FAM117B: variants seen among roughly 807,000 people sequenced by gnomAD.
FAM117B encodes protein FAM117B.
FAM117B carries 22 observed loss-of-function variants against 52.8 expected under a neutral mutation model. The ratio of observed to expected loss-of-function variants is 0.42; its 90% confidence interval spans 0.30 to 0.59. FAM117B has a LOEUF of 0.59. Ranked by LOEUF, FAM117B falls within the 20% of genes least tolerant of loss-of-function variation. The probability of loss-of-function intolerance (pLI) is 0.22; values close to 1 mark genes in which losing one functional copy is unlikely to be tolerated. For synonymous variants in FAM117B, 309 were observed against 324.1 expected (o/e 0.95, Z 0.50); for missense variants, 678 against 802.6 (o/e 0.84, Z 1.88).
chr2:202,720,682 A>G (rs1691138978), intron 2 of FAM117B, among the ~76,000 whole-genome samples: 2 of 151,356 alleles, frequency 1.3e-5, no homozygotes, highest in African/African-American at 2.4e-5. Flanking sequence ...ACATTCATAC[A>G]TTGCACTTGG....
chr2:202,635,354 G>C lies in FAM117B; in HGVS notation c.167G>C (p.Arg56Pro). The change falls in exon 1 of 8, where the codon CGG (arginine) becomes CCG (proline). Residue 56 changes from arginine to proline, a missense_variant. Physicochemically the swap from Arg to Pro is moderately radical, Grantham distance 103 (BLOSUM62 -2). Transcript: ENST00000392238. ...QQQQQHGSPT[R>P]SGGGGGGNNN... Reference sequence around the variant, plus strand: ...CAGCAGCAACATGGCAGCCCCACGCGGAGCGGCGGCGGCGGCGGCGGCAAC... The same window carrying C: ...CAGCAGCAACATGGCAGCCCCACGCCGAGCGGCGGCGGCGGCGGCGGCAAC... 7.2e-7 allele frequency: 1 copy of C among 1,381,172 alleles called. No homozygotes were observed. Among genetic ancestry groups the C allele is most frequent in the Non-Finnish European group, 9.4e-7 (1 of 1,067,960 alleles). 85.6% of individuals were successfully genotyped at this position (1,381,172 alleles called of 1,614,324 possible). A position where few individuals can be genotyped will look rare whatever the true frequency, so the allele number is the denominator to read the frequency against.
chr2:202,696,125 A>G (rs559705824), intron 2 of FAM117B, 93 bp downstream of exon 2: 3 of 1,309,608 alleles, frequency 2.3e-6, no homozygotes, highest in Middle Eastern at 2.2e-4. Context: ...ACAAACATTT[A>G]GTGTATATTA....
rs138266736 is a variant in FAM117B, at chr2:202,752,315, A to C, written c.961-3223A>C. ...CCAACACTAACTGAGCAGTGGAGAC[A>C]TCCTCTCTCAGCACTTCTGCGTGGA... On this transcript the variant is annotated intron_variant, in intron 4 of 7. Coordinates refer to ENST00000392238, the MANE Select transcript of FAM117B (RefSeq NM_173511.4). Among the ~76,000 whole-genome samples, 6 of 152,152 alleles carry C rather than the reference A, an allele frequency of 3.9e-5. No individual in the cohort carries two copies. In the East Asian group the frequency reaches 1.2e-3, roughly 29 times the overall value.
chr2:202,731,494 G>A (rs1374801276), intron 4 of FAM117B, among the ~76,000 whole-genome samples: 5 of 150,950 alleles, frequency 3.3e-5, no homozygotes, highest in African/African-American at 7.3e-5. Flanking sequence ...GCAGTGGCGC[G>A]ACCTTGGATC....
chr2:202,741,553 T>TCA (rs1470767111), intron 4 of FAM117B, among the ~76,000 whole-genome samples: 3,198 of 151,468 alleles, frequency 0.021, 140 homozygotes, highest in African/African-American at 0.074. Context: ...TTTTTTTTTT[T>TCA]TGAGACGGAG....
chr2:202,752,420 T>TC (rs1374719632), intron 4 of FAM117B, among the ~76,000 whole-genome samples: 1 of 151,072 alleles, frequency 6.6e-6, no homozygotes, highest in Non-Finnish European at 1.5e-5. Context: ...CTTTTTCTTT[T>TC]TTTTTTTTTT....
chr2:202,690,814 C>T (rs1559103031), intron 1 of FAM117B, among the ~76,000 whole-genome samples: 1 of 152,100 alleles, frequency 6.6e-6, no homozygotes, highest in African/African-American at 2.4e-5. Context: ...AGCCTTAGTT[C>T]ACTTAGTCTG....
rs188231800 is a variant in FAM117B at position 202,696,929 on chromosome 2, C to T, written c.753+897C>T. Among the ~76,000 whole-genome samples the T allele has an allele frequency of 2.0e-5, 3 of 152,216 alleles. No homozygotes were observed. In the East Asian group the frequency reaches 5.8e-4, roughly 29 times the overall value. On this transcript the variant is annotated intron_variant, in intron 2 of 7. Transcript: ENST00000392238. ...CAAAAAAATACAAAAATTAGCCGGG[C>T]ATGCTGGTGCACACTTGTAGTACCA...
chr2:202,662,000 C>G (rs568748674), intron 1 of FAM117B, among the ~76,000 whole-genome samples: 1 of 151,470 alleles, frequency 6.6e-6, no homozygotes, highest in South Asian at 2.1e-4. Context: ...ATCAGTATGT[C>G]GAAGAGATAC....
chr2:202,676,296 G>C (rs1690378549), intron 1 of FAM117B, among the ~76,000 whole-genome samples: 1 of 151,966 alleles, frequency 6.6e-6, no homozygotes. Flanking sequence ...CTCTGTGGTA[G>C]ACCCTGAGCC....
intron 1 of FAM117B, among the ~76,000 whole-genome samples, chr2:202,638,443 A>G (rs1020403852): frequency 6.6e-6 from 1 of 152,150 alleles, no homozygotes. Context: ...TCTGATCTCT[A>G]GGAGGGCTCT....
intron 1 of FAM117B, among the ~76,000 whole-genome samples, chr2:202,644,540 C>G (rs1191528678): frequency 6.6e-6 from 1 of 152,200 alleles, no homozygotes; most frequent in African/African-American, 2.4e-5. Flanking sequence ...CCTGGGAATT[C>G]TCTTCACTTC....
At chr2:202,680,679 C>A (rs1353045281) in intron 1 of FAM117B, among the ~76,000 whole-genome samples, 2 of 152,074 alleles carry the variant, frequency 1.3e-5, no homozygotes, top group African/African-American at 2.4e-5. Flanking sequence ...TAAGACAGAG[C>A]AAAATAGAAT....
At chr2:202,672,777 G>A (rs1044371892) in intron 1 of FAM117B, among the ~76,000 whole-genome samples, 1 of 152,156 alleles carries the variant, frequency 6.6e-6, no homozygotes, top group African/African-American at 2.4e-5. Flanking sequence ...GCTCATGCCT[G>A]TAATCCTAGC....
intron 1 of FAM117B, among the ~76,000 whole-genome samples, chr2:202,674,955 C>G (rs1690353938): frequency 1.3e-5 from 2 of 152,098 alleles, no homozygotes; most frequent in South Asian, 4.1e-4. Context: ...CAAGTTGGGG[C>G]CGGATGCAGT....
At chr2:202,698,990 G>A (rs1306769050) in intron 2 of FAM117B, among the ~76,000 whole-genome samples, 2 of 152,184 alleles carry the variant, frequency 1.3e-5, no homozygotes, top group Non-Finnish European at 2.9e-5. Context: ...AAGCCATTGG[G>A]AGCCTCTTGA....
At chr2:202,672,234 A>C (rs1574549979) in intron 1 of FAM117B, among the ~76,000 whole-genome samples, 1 of 152,096 alleles carries the variant, frequency 6.6e-6, no homozygotes, top group Non-Finnish European at 1.5e-5. Context: ...TTGTTTTGAG[A>C]AGGAGTCTTG....
chr2:202,707,240 G>T (rs948982747), intron 2 of FAM117B, among the ~76,000 whole-genome samples: 1 of 151,046 alleles, frequency 6.6e-6, no homozygotes, highest in Non-Finnish European at 1.5e-5. Flanking sequence ...GTAGAGATGC[G>T]GGCCTTACTA....
intron 1 of FAM117B, among the ~76,000 whole-genome samples, chr2:202,681,575 A>T (rs2105770377): frequency 6.6e-6 from 1 of 152,356 alleles, no homozygotes; most frequent in South Asian, 2.1e-4. Context: ...CAAGGGGGTT[A>T]ATTTATCAAT....
Sources: allele counts gnomAD v4.1 joint callset (sites outside exome capture counted in the v4.1 genomes callset), GRCh38; gene constraint gnomAD v4.1.1; transcripts MANE v1.5; gene names NCBI Gene and HGNC (gene_info 2026-07-23, HGNC 2026-07-21).